MEI1: variants seen among roughly 807,000 people sequenced by gnomAD.
MEI1 encodes meiosis inhibitor protein 1.
Under a neutral mutation model 146.2 loss-of-function variants are expected in MEI1, and 103 were observed. That is an observed-to-expected ratio of 0.70 (90% CI 0.60 to 0.83). MEI1 has a LOEUF of 0.83. Among genes scored for constraint, MEI1 ranks in the 40% least tolerant of loss-of-function variants. The probability of loss-of-function intolerance (pLI) is 0.00; values close to 1 mark genes in which losing one functional copy is unlikely to be tolerated. For synonymous variants in MEI1, 652 were observed against 628.2 expected, an observed-to-expected ratio of 1.04 and a Z score of -0.57; for missense variants, 1,529 against 1,533.0, an observed-to-expected ratio of 1.00 and a Z score of 0.04.
rs548396643 is a variant in MEI1, at chr22:41,757,982, C to A, written c.1952-383C>A. 4.2e-4 allele frequency among the ~76,000 whole-genome samples: 64 copies of A among 152,098 alleles called. 1 individual carries two copies. The highest frequency in any genetic ancestry group is 6.9e-4 in the Non-Finnish European group (47 of 68,008). Reference sequence around the variant, plus strand: ...AATTAGCTGGGCGTGGTGGTGGGTGCCTGTAATCACAGCTACTTGGGAGGC... The same window carrying A: ...AATTAGCTGGGCGTGGTGGTGGGTGACTGTAATCACAGCTACTTGGGAGGC... On this transcript the variant is annotated intron_variant, in intron 17 of 30. Transcript: ENST00000401548.
intron 11 of MEI1, among the ~76,000 whole-genome samples, chr22:41,734,512 G>C (rs2072155227): frequency 6.6e-6 from 1 of 152,208 alleles, no homozygotes; most frequent in Non-Finnish European, 1.5e-5. Flanking sequence ...AGAATTATCT[G>C]AGCCTGGGAG....
chr22:41,767,744 A>G (rs1379938295), intron 19 of MEI1: 5 of 395,382 alleles, frequency 1.3e-5, no homozygotes, highest in Non-Finnish European at 2.6e-5. Context: ...TGAATCAAAC[A>G]AGTTCCTTGC....
At position 41,704,671 on chromosome 22, in the gene MEI1, C is replaced by T. The variant is rs561144455; in HGVS notation, c.299-833C>T. Among the ~76,000 whole-genome samples, 11 of 152,186 alleles carry T rather than the reference C, an allele frequency of 7.2e-5. No homozygotes were observed. The South Asian group carries it at 2.1e-3, about 29-fold the overall frequency. ...TCAGGTGATCTGCCTGCCTTGGCCT[C>T]CCAAAATGCTAGGATTACAGGCATG... On this transcript the variant is annotated intron_variant, in intron 2 of 30. Transcript: ENST00000401548.
At chr22:41,751,007 G>C (rs1477655218) in intron 15 of MEI1, among the ~76,000 whole-genome samples, 1 of 152,020 alleles carries the variant, frequency 6.6e-6, no homozygotes, top group East Asian at 1.9e-4. Flanking sequence ...TGTAGAAAAA[G>C]GCTGTGAGAT....
chr22:41,779,844 C>T (rs1224689582), intron 22 of MEI1, among the ~76,000 whole-genome samples: 2 of 152,178 alleles, frequency 1.3e-5, no homozygotes, highest in East Asian at 3.8e-4. Flanking sequence ...GGTTTCTCAA[C>T]TCATGATGCT....
Position 41,724,078 on chromosome 22 carries a change from T to A in MEI1, c.864+5T>A, listed in dbSNP as rs772700428. On this transcript the variant is annotated splice_donor_5th_base_variant and intron_variant, in intron 7 of 30. Coordinates refer to ENST00000401548, the MANE Select transcript of MEI1 (RefSeq NM_152513.4). ...CTGCCTTTGGTGCTCAAAAAGGTAG[T>A]TGTCTTGTGATTCCTGGTCTCTAGG... The A allele has an allele frequency of 1.2e-6, 2 of 1,613,250 alleles. No individual in the cohort carries two copies. Among genetic ancestry groups the A allele is most frequent in the South Asian group, 2.2e-5 (2 of 91,032 alleles).
intron 2 of MEI1, among the ~76,000 whole-genome samples, chr22:41,704,726 T>C (rs2068955350): frequency 6.6e-6 from 1 of 152,062 alleles, no homozygotes; most frequent in South Asian, 2.1e-4. Flanking sequence ...AATTCTTATC[T>C]TTTTTTGAGA....
At chr22:41,703,237 A>G (rs1043592258) in intron 1 of MEI1, 94 bp from the exon 2 acceptor site, 30 of 1,377,794 alleles carry the variant, frequency 2.2e-5, no homozygotes, top group Non-Finnish European at 3.0e-5. Context: ...GATCCCTTGT[A>G]TCATCTTGTA....
chr22:41,732,922 A>G (rs2071990467), intron 11 of MEI1, among the ~76,000 whole-genome samples: 1 of 151,732 alleles, frequency 6.6e-6, no homozygotes, highest in Non-Finnish European at 1.5e-5. Flanking sequence ...CTGGGATTAC[A>G]GGTGTGTACC....
At chr22:41,711,330 G>A (rs1364131456) in intron 3 of MEI1, among the ~76,000 whole-genome samples, 5 of 152,212 alleles carry the variant, frequency 3.3e-5, no homozygotes, top group South Asian at 2.1e-4. Context: ...CCGCCATTGC[G>A]CCCGGCTAAT....
At chr22:41,738,108 C>T (rs192585362) in intron 11 of MEI1, among the ~76,000 whole-genome samples, 1 of 150,972 alleles carries the variant, frequency 6.6e-6, no homozygotes, top group Non-Finnish European at 1.5e-5. Flanking sequence ...TGAGGCTAAG[C>T]GTTTGAGACT....
intron 24 of MEI1, among the ~76,000 whole-genome samples, chr22:41,782,266 A>G (rs2075786850): frequency 6.6e-6 from 1 of 152,140 alleles, no homozygotes. Context: ...ATATTTGGGG[A>G]GTGGTGAGGT....
At chr22:41,700,294 C>G (rs1056023847) in intron 1 of MEI1, among the ~76,000 whole-genome samples, 8 of 152,224 alleles carry the variant, frequency 5.3e-5, no homozygotes, top group Non-Finnish European at 1.2e-4. Context: ...CCAAAGCGGG[C>G]TGCCTGGGTC....
chr22:41,731,257 G>A (rs1015599297), intron 9 of MEI1, among the ~76,000 whole-genome samples: 1 of 152,006 alleles, frequency 6.6e-6, no homozygotes, highest in Admixed American at 6.6e-5. Context: ...GTTTTACCAT[G>A]TTGTCCAAGC....
chr22:41,736,260 T>C (rs926332873), intron 11 of MEI1, among the ~76,000 whole-genome samples: 1 of 151,492 alleles, frequency 6.6e-6, no homozygotes, highest in African/African-American at 2.4e-5. Flanking sequence ...TTTTCTTTTT[T>C]TTTTTTTGAA....
intron 1 of MEI1, 128 bp from the exon 2 acceptor site, chr22:41,703,203 T>C: frequency 1.0e-6 from 1 of 977,774 alleles, no homozygotes; most frequent in Non-Finnish European, 1.5e-6. Context: ...CTTGAAGGAG[T>C]ATGGATCTCA....
intron 17 of MEI1, among the ~76,000 whole-genome samples, chr22:41,754,420 C>CT (rs1249102100): frequency 8.9e-6 from 1 of 112,228 alleles, no homozygotes; most frequent in Non-Finnish European, 1.5e-5. Flanking sequence ...TTTCTTTTTT[C>CT]TTTTTCTTTT....
chr22:41,730,679 C>A, intron 9 of MEI1, 42 bp downstream of exon 9: 1 of 1,373,254 alleles, frequency 7.3e-7, no homozygotes, highest in South Asian at 1.2e-5. Flanking sequence ...GTTGGGTGGA[C>A]GGCAGTTTGC....
chr22:41,798,588 A>G (rs1464239148), intron 30 of MEI1, among the ~76,000 whole-genome samples: 2 of 151,588 alleles, frequency 1.3e-5, no homozygotes, highest in African/African-American at 4.9e-5. Flanking sequence ...AAAAAAAAAG[A>G]AAGCTTGGGG....
Sources: gnomAD v4.1 joint callset for allele counts (sites outside exome capture counted in the v4.1 genomes callset) on GRCh38, gnomAD v4.1.1 for gene constraint, MANE v1.5 for transcripts, NCBI Gene and HGNC (gene_info 2026-07-23, HGNC 2026-07-21) for gene names.